PCA3: variants seen among roughly 807,000 people sequenced by gnomAD.
PCA3 encodes prostate cancer associated 3.
intron 2 of PCA3, among the ~76,000 whole-genome samples, chr9:76,780,265 A>C (rs1358616223): frequency 6.6e-6 from 1 of 152,096 alleles, no homozygotes; most frequent in African/African-American, 2.4e-5. Context: ...GCAGCTGCGC[A>C]CTCCCCCAAC....
At chr9:76,768,530 C>T (rs1482812441) in intron 2 of PCA3, among the ~76,000 whole-genome samples, 2 of 151,278 alleles carry the variant, frequency 1.3e-5, no homozygotes, top group African/African-American at 4.9e-5. Context: ...GCAGCCGCAC[C>T]TAGAACGTTC....
chr9:76,784,921 T>G (rs2054813898), intron 2 of PCA3: 1 of 152,366 alleles, frequency 6.6e-6, no homozygotes, highest in African/African-American at 2.4e-5. Flanking sequence ...TTAACTTTTT[T>G]TTTTAACCTG....
intron 2 of PCA3, among the ~76,000 whole-genome samples, chr9:76,772,290 G>A (rs898629445): frequency 3.3e-5 from 5 of 152,068 alleles, no homozygotes; most frequent in Admixed American, 3.3e-4. Flanking sequence ...CTTTCTCAGG[G>A]ATGGACTCTT....
At chr9:76,778,071 T>C (rs759546370) in intron 2 of PCA3, among the ~76,000 whole-genome samples, 1 of 152,204 alleles carries the variant, frequency 6.6e-6, no homozygotes, top group Admixed American at 6.5e-5. Flanking sequence ...TGGCTGCACA[T>C]TAGATTTATT....
intron 2 of PCA3, chr9:76,778,306 C>T (rs2054017308): frequency 6.6e-6 from 1 of 152,204 alleles, no homozygotes; most frequent in African/African-American, 2.4e-5. Flanking sequence ...ACAAATACAG[C>T]CTTTCACCCT....
chr9:76,783,007 T>C (rs1228603136), intron 2 of PCA3, among the ~76,000 whole-genome samples: 1 of 152,224 alleles, frequency 6.6e-6, no homozygotes, highest in Non-Finnish European at 1.5e-5. Flanking sequence ...TTACGTGTCA[T>C]TTTCCTTAGG....
intron 2 of PCA3, among the ~76,000 whole-genome samples, chr9:76,770,526 C>T (rs1303429909): frequency 2.0e-5 from 3 of 152,006 alleles, no homozygotes; most frequent in Non-Finnish European, 4.4e-5. Context: ...TGACATTCAT[C>T]TAAAATGGAT....
At chr9:76,765,801 T>A (rs1589096341) in intron 2 of PCA3, among the ~76,000 whole-genome samples, 1 of 152,312 alleles carries the variant, frequency 6.6e-6, no homozygotes, top group East Asian at 1.9e-4. Flanking sequence ...GGGACTCACT[T>A]TCCTTATCTA....
At chr9:76,773,365 T>G (rs1380091536) in intron 2 of PCA3, among the ~76,000 whole-genome samples, 1 of 152,160 alleles carries the variant, frequency 6.6e-6, no homozygotes, top group African/African-American at 2.4e-5. Context: ...CGGACAATCT[T>G]TTCTTTATTC....
chr9:76,767,787 G>C (rs761690327), intron 2 of PCA3, among the ~76,000 whole-genome samples: 1 of 152,144 alleles, frequency 6.6e-6, no homozygotes, highest in Non-Finnish European at 1.5e-5. Flanking sequence ...AACCCAGCTG[G>C]AGGGAGTGCA....
intron 2 of PCA3, among the ~76,000 whole-genome samples, chr9:76,766,983 T>C (rs1369110320): frequency 6.6e-6 from 1 of 152,198 alleles, no homozygotes; most frequent in East Asian, 1.9e-4. Flanking sequence ...TCGCCACACC[T>C]TCCCCCCAAG....
intron 2 of PCA3, among the ~76,000 whole-genome samples, chr9:76,769,024 TAAGAGATATTCTTA>T (rs2130898005): frequency 6.6e-6 from 1 of 152,294 alleles, no homozygotes; most frequent in Non-Finnish European, 1.5e-5. Flanking sequence ...ATTGACAGTT[TAAGAGATATTCTTA>T]GAATCTTTCA....
chr9:76,772,898 T>C (rs1214033909), intron 2 of PCA3, among the ~76,000 whole-genome samples: 3 of 152,288 alleles, frequency 2.0e-5, no homozygotes, highest in Middle Eastern at 3.4e-3. Flanking sequence ...CAGTCACACA[T>C]GGATTTCAAA....
intron 2 of PCA3, among the ~76,000 whole-genome samples, chr9:76,782,379 T>C (rs955975961): frequency 6.6e-6 from 1 of 152,092 alleles, no homozygotes; most frequent in African/African-American, 2.4e-5. Flanking sequence ...GGCAGGTCAG[T>C]GGAGTAGTTA....
chr9:76,784,744 T>C (rs572111232), intron 2 of PCA3: 1 of 152,356 alleles, frequency 6.6e-6, no homozygotes, highest in South Asian at 2.1e-4. Context: ...CTGGGAAGCA[T>C]CTCAAGATCT....
At chr9:76,769,727 C>T (rs780446518) in intron 2 of PCA3, among the ~76,000 whole-genome samples, 4 of 152,172 alleles carry the variant, frequency 2.6e-5, no homozygotes, top group Middle Eastern at 3.4e-3. Flanking sequence ...CAATATATGT[C>T]GTTATATTCT....
At chr9:76,787,386 C>CG (rs1340626711) in intron 2 of PCA3, 6 of 151,004 alleles carry the variant, frequency 4.0e-5, no homozygotes, top group South Asian at 2.1e-4. Flanking sequence ...ATAAGTGATT[C>CG]GGGGGGTGGG....
intron 2 of PCA3, chr9:76,782,966 A>G (rs180885179): frequency 3.6e-4 from 55 of 152,320 alleles, no homozygotes; most frequent in African/African-American, 1.2e-3. Flanking sequence ...GAATTAGACA[A>G]TCTTTAAGAT....
chr9:76,780,827 A>G (rs1310175932), intron 2 of PCA3, among the ~76,000 whole-genome samples: 1 of 152,228 alleles, frequency 6.6e-6, no homozygotes, highest in African/African-American at 2.4e-5. Flanking sequence ...CAGCTCCTCC[A>G]TCGTATCGGG....
Sources: gnomAD v4.1 joint callset for allele counts (sites outside exome capture counted in the v4.1 genomes callset) on GRCh38, gnomAD v4.1.1 for gene constraint, MANE v1.5 for transcripts, NCBI Gene and HGNC (gene_info 2026-07-23, HGNC 2026-07-21) for gene names.